AKIRIN2: variants seen among roughly 807,000 people sequenced by gnomAD.
AKIRIN2 encodes akirin-2.
AKIRIN2 carries 6 observed loss-of-function variants against 29.3 expected under a neutral mutation model. That is an observed-to-expected ratio of 0.20 (90% CI 0.11 to 0.40). The LOEUF is 0.40. Ranked by LOEUF, AKIRIN2 falls within the 10% of genes least tolerant of loss-of-function variation. The pLI is 1.00. For synonymous variants in AKIRIN2, 128 were observed against 117.5 expected (o/e 1.09, Z -0.58); for missense variants, 210 against 276.1 (o/e 0.76, Z 1.70).
intron 2 of AKIRIN2, among the ~76,000 whole-genome samples, chr6:87,681,252 G>T (rs1412529880): frequency 1.3e-5 from 2 of 152,126 alleles, no homozygotes; most frequent in Non-Finnish European, 2.9e-5. Flanking sequence ...TGGCCAGGCT[G>T]GTCTCAAACT....
intron 1 of AKIRIN2, among the ~76,000 whole-genome samples, chr6:87,689,535 A>T (rs890217178): frequency 3.9e-5 from 6 of 152,278 alleles, no homozygotes; most frequent in African/African-American, 1.4e-4. Flanking sequence ...AACAGGCCAA[A>T]CTCAGCCCCA....
intron 1 of AKIRIN2, among the ~76,000 whole-genome samples, chr6:87,695,604 C>A (rs1771347858): frequency 6.6e-6 from 1 of 152,168 alleles, no homozygotes; most frequent in Non-Finnish European, 1.5e-5. Context: ...AACACAAGGA[C>A]TACAGAGACT....
intron 3 of AKIRIN2, among the ~76,000 whole-genome samples, chr6:87,676,619 ACACAC>A (rs1163237653): frequency 2.0e-5 from 3 of 149,796 alleles, no homozygotes; most frequent in African/African-American, 7.4e-5. Flanking sequence ...ACACACACAC[ACACAC>A]ACAAACATAG....
intron 1 of AKIRIN2, among the ~76,000 whole-genome samples, chr6:87,687,256 A>C (rs972819850): frequency 4.1e-5 from 6 of 147,726 alleles, no homozygotes; most frequent in Non-Finnish European, 8.9e-5. Context: ...AAAACACACA[A>C]CTTGGGCAGG....
intron 3 of AKIRIN2, among the ~76,000 whole-genome samples, chr6:87,676,202 C>A (rs1018570934): frequency 6.6e-6 from 1 of 152,112 alleles, no homozygotes; most frequent in Non-Finnish European, 1.5e-5. Context: ...CGGTGGCTCA[C>A]GCCTGTAATC....
chr6:87,697,963 A>G (rs1305903977), intron 1 of AKIRIN2, among the ~76,000 whole-genome samples: 1 of 152,204 alleles, frequency 6.6e-6, no homozygotes, highest in Non-Finnish European at 1.5e-5. Context: ...GCTGGATTTG[A>G]TTGACGGTCT....
intron 3 of AKIRIN2, among the ~76,000 whole-genome samples, chr6:87,676,805 G>A (rs1219898537): frequency 6.7e-6 from 1 of 150,016 alleles, no homozygotes; most frequent in Non-Finnish European, 1.5e-5. Flanking sequence ...GGCCGGGCAT[G>A]GTGGCTTACG....
intron 1 of AKIRIN2, chr6:87,700,705 C>T (rs927180900): frequency 2.0e-5 from 3 of 152,780 alleles, no homozygotes; most frequent in African/African-American, 7.2e-5. Context: ...AAAAATAAAA[C>T]ATTTCCAAAT....
At chr6:87,676,596 A>AACACACGCACGCGCGCGCGCAC (rs1485678233) in intron 3 of AKIRIN2, among the ~76,000 whole-genome samples, 3 of 142,046 alleles carry the variant, frequency 2.1e-5, no homozygotes, top group African/African-American at 8.1e-5. Flanking sequence ...CTCTACTAAA[A>AACACACGCACGCGCGCGCGCAC]ACACACACAC....
At chr6:87,693,839 A>ATGATTG (rs1261071168) in intron 1 of AKIRIN2, among the ~76,000 whole-genome samples, 1 of 152,120 alleles carries the variant, frequency 6.6e-6, no homozygotes, top group Non-Finnish European at 1.5e-5. Flanking sequence ...ACCCTGGGCT[A>ATGATTG]TGAAAGATTG....
intron 4 of AKIRIN2, 58 bp downstream of exon 4, chr6:87,675,802 C>T (rs950478763): frequency 6.6e-7 from 1 of 1,523,904 alleles, no homozygotes; most frequent in Non-Finnish European, 9.0e-7. Context: ...ATTATAATGT[C>T]TTCTCCTTAA....
intron 1 of AKIRIN2, among the ~76,000 whole-genome samples, chr6:87,690,916 C>T (rs2787922): frequency 0.28 from 42,653 of 151,854 alleles, 7,765 homozygotes; most frequent in African/African-American, 0.52. Flanking sequence ...GAGGTTGCAG[C>T]GAGCGGAGAC....
chr6:87,681,949 C>T (rs1771128550), intron 1 of AKIRIN2, among the ~76,000 whole-genome samples, 186 bp from the exon 2 acceptor site: 2 of 152,190 alleles, frequency 1.3e-5, no homozygotes, highest in South Asian at 4.1e-4. Context: ...CACATACACA[C>T]CAACTGGAAT....
intron 2 of AKIRIN2, among the ~76,000 whole-genome samples, chr6:87,681,044 A>T (rs539992513): frequency 1.2e-4 from 17 of 147,758 alleles, no homozygotes; most frequent in African/African-American, 2.7e-4. Flanking sequence ...TATTGTTATT[A>T]TTTTTTTTTT....
chr6:87,697,985 G>C (rs1469498802), intron 1 of AKIRIN2, among the ~76,000 whole-genome samples: 1 of 152,110 alleles, frequency 6.6e-6, no homozygotes, highest in African/African-American at 2.4e-5. Context: ...TTATAATGTT[G>C]CAATATTTTG....
chr6:87,700,277 A>C (rs1248405094), intron 1 of AKIRIN2, among the ~76,000 whole-genome samples: 1 of 142,448 alleles, frequency 7.0e-6, no homozygotes, highest in African/African-American at 2.5e-5. Flanking sequence ...CAAAAAAAAA[A>C]AAACACTAAA....
intron 1 of AKIRIN2, among the ~76,000 whole-genome samples, chr6:87,691,704 A>G (rs539298359): frequency 1.4e-4 from 21 of 152,318 alleles, no homozygotes; most frequent in Admixed American, 6.5e-4. Flanking sequence ...AAGGAGAAAA[A>G]GGCCATTTCA....
At chr6:87,691,680 G>A (rs1238149580) in intron 1 of AKIRIN2, among the ~76,000 whole-genome samples, 1 of 152,092 alleles carries the variant, frequency 6.6e-6, no homozygotes, top group South Asian at 2.1e-4. Flanking sequence ...GGGAGTAGAG[G>A]GAAATTGTAG....
intron 1 of AKIRIN2, among the ~76,000 whole-genome samples, chr6:87,683,467 A>G (rs1049892938): frequency 6.6e-6 from 1 of 152,222 alleles, no homozygotes; most frequent in Non-Finnish European, 1.5e-5. Flanking sequence ...TTATTAAATT[A>G]TCAGTGTTGG....
Sources: allele counts gnomAD v4.1 joint callset (sites outside exome capture counted in the v4.1 genomes callset), GRCh38; gene constraint gnomAD v4.1.1; transcripts MANE v1.5; gene names NCBI Gene and HGNC (gene_info 2026-07-23, HGNC 2026-07-21).